The following MCTP1 variants were observed in gnomAD, a reference collection of about 807,000 sequenced individuals.
MCTP1 encodes the protein multiple C2 and transmembrane domain-containing protein 1.
MCTP1 carries 69 observed loss-of-function variants against 120.6 expected under a neutral mutation model. That is an observed-to-expected ratio of 0.57 (90% confidence interval 0.47 to 0.70). MCTP1 has a LOEUF of 0.70. MCTP1 is among the 30% of genes least tolerant of loss of function. The pLI is 0.00. For synonymous variants in MCTP1, 529 were observed against 493.1 expected (o/e 1.07, Z -0.96); for missense variants, 1,203 against 1,248.8 (o/e 0.96, Z 0.55).
At chr5:95,009,611 T>G (rs1835513292) in intron 2 of MCTP1, among the ~76,000 whole-genome samples, 1 of 151,444 alleles carries the variant, frequency 6.6e-6, no homozygotes, top group South Asian at 2.1e-4. Flanking sequence ...TAAAAGATAA[T>G]ACATTATTTA....
chr5:95,278,537 A>T (rs1249289619), intron 1 of MCTP1, among the ~76,000 whole-genome samples: 1 of 152,232 alleles, frequency 6.6e-6, no homozygotes, highest in Admixed American at 6.5e-5. Flanking sequence ...CCAGTATGCA[A>T]ATAATGACCC....
intron 18 of MCTP1, among the ~76,000 whole-genome samples, chr5:94,793,818 C>T (rs924128305): frequency 6.6e-6 from 1 of 152,200 alleles, no homozygotes; most frequent in South Asian, 2.1e-4. Flanking sequence ...TATAGGAGTT[C>T]AAGTCAATCA....
chr5:95,018,108 A>G (rs1209631097), intron 1 of MCTP1, among the ~76,000 whole-genome samples: 1 of 152,114 alleles, frequency 6.6e-6, no homozygotes, highest in Non-Finnish European at 1.5e-5. Context: ...TAGATCTAAA[A>G]ATGTTTGTGA....
At chr5:94,965,792 C>CT (rs1825446168) in intron 2 of MCTP1, among the ~76,000 whole-genome samples, 1 of 152,154 alleles carries the variant, frequency 6.6e-6, no homozygotes, top group African/African-American at 2.4e-5. Flanking sequence ...CATGAGGACT[C>CT]TATCACGAAT....
intron 1 of MCTP1, among the ~76,000 whole-genome samples, chr5:95,241,595 T>G (rs1283358924): frequency 6.6e-6 from 1 of 152,196 alleles, no homozygotes; most frequent in Admixed American, 6.5e-5. Context: ...ATTAGGCTGT[T>G]AGCAATTTCA....
intron 1 of MCTP1, among the ~76,000 whole-genome samples, chr5:95,060,573 T>C (rs1052499268): frequency 6.6e-6 from 1 of 152,226 alleles, no homozygotes; most frequent in Non-Finnish European, 1.5e-5. Context: ...CTTTTTCCTT[T>C]CTGTAATAAC....
chr5:94,823,675 A>G (rs1049996617), intron 17 of MCTP1, among the ~76,000 whole-genome samples: 5 of 152,184 alleles, frequency 3.3e-5, no homozygotes, highest in Non-Finnish European at 5.9e-5. Context: ...CCTATCCATG[A>G]GCATGGAATG....
chr5:95,151,425 T>C lies in MCTP1; in HGVS notation c.720+132431A>G, dbSNP rs1044899091. On this transcript the variant is annotated intron_variant, in intron 1 of 22. Transcript: ENST00000515393. ...GGAGAAGGTAGAGGAGGGATTGGTC[T>C]TGCTGTCTCAAGGGTTTCAGAGGCA... Among the ~76,000 whole-genome samples the C allele has an allele frequency of 6.6e-5, 10 of 152,216 alleles. No individual in the cohort carries two copies. In the South Asian group the frequency reaches 1.9e-3, roughly 28 times the overall value.
At chr5:95,272,687 C>T (rs1302368351) in intron 1 of MCTP1, among the ~76,000 whole-genome samples, 1 of 152,222 alleles carries the variant, frequency 6.6e-6, no homozygotes, top group Non-Finnish European at 1.5e-5. Context: ...CTGAGAAATT[C>T]TGCCAACTGC....
chr5:94,932,687 C>T (rs1267623955), intron 5 of MCTP1, among the ~76,000 whole-genome samples: 1 of 151,980 alleles, frequency 6.6e-6, no homozygotes, highest in East Asian at 1.9e-4. Flanking sequence ...TGTTTTCTCT[C>T]TTCACTTTAA....
At chr5:95,256,032 G>A (rs114817029) in intron 1 of MCTP1, among the ~76,000 whole-genome samples, 8 of 152,268 alleles carry the variant, frequency 5.3e-5, no homozygotes, top group East Asian at 1.9e-4. Flanking sequence ...TCATGAAACC[G>A]TTGGTAAAAA....
At chr5:94,913,050 T>A (rs894459377) in intron 8 of MCTP1, 74 bp from the exon 9 acceptor site, 2 of 1,090,386 alleles carry the variant, frequency 1.8e-6, no homozygotes, top group Non-Finnish European at 2.6e-6. Context: ...TTACCTTTTC[T>A]CCTGTTATGA....
chr5:94,911,815 T>C (rs1007454590), intron 9 of MCTP1, among the ~76,000 whole-genome samples: 1 of 152,182 alleles, frequency 6.6e-6, no homozygotes, highest in Non-Finnish European at 1.5e-5. Context: ...CTACTATAAT[T>C]GATACTATAC....
chr5:95,117,385 C>T (rs1161804062), intron 1 of MCTP1, among the ~76,000 whole-genome samples: 45 of 110,636 alleles, frequency 4.1e-4, no homozygotes, highest in Non-Finnish European at 5.1e-4. Context: ...AGCGAGACTC[C>T]GTCTCAAAAA....
chr5:95,024,266 G>T (rs572858210), intron 1 of MCTP1, among the ~76,000 whole-genome samples: 9 of 151,936 alleles, frequency 5.9e-5, no homozygotes, highest in Non-Finnish European at 7.4e-5. Context: ...ATTTTGAGTT[G>T]ATTTTTGTAT....
chr5:95,278,385 A>G (rs552397524), intron 1 of MCTP1, among the ~76,000 whole-genome samples: 162 of 152,318 alleles, frequency 1.1e-3, no homozygotes, highest in South Asian at 4.8e-3. Flanking sequence ...CTTTGATTCA[A>G]TAATTAGCTT....
intron 18 of MCTP1, among the ~76,000 whole-genome samples, chr5:94,794,006 C>T (rs1779496215): frequency 6.6e-6 from 1 of 152,212 alleles, no homozygotes; most frequent in African/African-American, 2.4e-5. Context: ...AATGCTTTGT[C>T]ATGAGAAGGA....
At chr5:95,178,313 C>T (rs531130867) in intron 1 of MCTP1, among the ~76,000 whole-genome samples, 1 of 152,282 alleles carries the variant, frequency 6.6e-6, no homozygotes, top group South Asian at 2.1e-4. Flanking sequence ...GCTCTATAAC[C>T]CCACCCACTG....
chr5:94,863,688 T>G (rs966081163), intron 17 of MCTP1, among the ~76,000 whole-genome samples: 19 of 151,898 alleles, frequency 1.3e-4, no homozygotes, highest in Non-Finnish European at 1.6e-4. Context: ...CATATGTTGT[T>G]TAATAGCAGC....
Sources: allele counts gnomAD v4.1 joint callset (sites outside exome capture counted in the v4.1 genomes callset), GRCh38; gene constraint gnomAD v4.1.1; transcripts MANE v1.5; gene names NCBI Gene and HGNC (gene_info 2026-07-23, HGNC 2026-07-21).